The following CACNA2D4 variants were observed in gnomAD, a reference collection of about 807,000 sequenced individuals.
The protein encoded by CACNA2D4 is calcium voltage-gated channel auxiliary subunit alpha2delta 4.
In CACNA2D4, 157 loss-of-function variants were observed where a neutral mutation model predicts 163.8. The ratio of observed to expected loss-of-function variants is 0.96; its 90% CI spans 0.84 to 1.09. The LOEUF is 1.09. Ranked by LOEUF, CACNA2D4 falls within the 50% of genes least tolerant of loss-of-function variation. The probability of loss-of-function intolerance (pLI) is 0.00; values close to 1 mark genes in which losing one functional copy is unlikely to be tolerated. For synonymous variants in CACNA2D4, 598 were observed against 586.9 expected (o/e 1.02, Z -0.27); for missense variants, 1,410 against 1,479.9 (o/e 0.95, Z 0.78).
In CACNA2D4 at chr12:1,818,441, T is replaced by C. The variant is rs191491544; in HGVS notation, c.2552-6718A>G. On this transcript the variant is annotated intron_variant, in intron 26 of 37. Transcript: ENST00000382722. Reference sequence around the variant, plus strand: ...TTCTGCACTAAGAAAAATTCCTCTGTCTTGGGATCCTGTTGATCTGTGACC... The same window carrying C: ...TTCTGCACTAAGAAAAATTCCTCTGCCTTGGGATCCTGTTGATCTGTGACC... Among the ~76,000 whole-genome samples the C allele has an allele frequency of 3.9e-3, 594 of 151,778 alleles. 21 individuals carry two copies. Among genetic ancestry groups the C allele is most frequent in the African/African-American group, 0.013 (548 of 41,018 alleles).
rs112446165 is a variant in CACNA2D4 at position 1,846,359 on chromosome 12, T to C, written c.2342+235A>G. ...GGATGTGTAAGCCTTCGGGGAAGGG[T>C]TGCCTTTCCCACTGTCCCAATCTGT... is the stretch of plus-strand genomic sequence containing the variant. On this transcript the variant is annotated intron_variant, in intron 24 of 37. Transcript: ENST00000382722. Among the ~76,000 whole-genome samples the C allele has an allele frequency of 2.3e-3, 343 of 150,700 alleles. 2 individuals carry two copies. Among genetic ancestry groups the C allele is most frequent in the African/African-American group, 8.1e-3 (328 of 40,308 alleles).
At chr12:1,897,375 G>A (rs929461611) in intron 6 of CACNA2D4, among the ~76,000 whole-genome samples, 10 of 152,114 alleles carry the variant, frequency 6.6e-5, no homozygotes, top group Admixed American at 5.2e-4. Flanking sequence ...TTAGAAGAGA[G>A]GACTTGAAAT....
chr12:1,886,133 C>G, intron 8 of CACNA2D4, 90 bp downstream of exon 8: 1 of 1,542,852 alleles, frequency 6.5e-7, no homozygotes, highest in Non-Finnish European at 9.0e-7. Flanking sequence ...TGCAGGTCAC[C>G]GGGTGGTCAG....
chr12:1,814,232 G>A (rs1863805307), intron 26 of CACNA2D4, among the ~76,000 whole-genome samples: 1 of 152,094 alleles, frequency 6.6e-6, no homozygotes, highest in African/African-American at 2.4e-5. Flanking sequence ...GGAATTCTAC[G>A]ATTCTAACAT....
intron 6 of CACNA2D4, among the ~76,000 whole-genome samples, chr12:1,893,859 G>A (rs1013634189): frequency 6.6e-6 from 1 of 151,758 alleles, no homozygotes; most frequent in Non-Finnish European, 1.5e-5. Flanking sequence ...ATAAAAGCAA[G>A]AACAAACCAA....
chr12:1,810,939 C>A (rs1233053458), intron 27 of CACNA2D4, among the ~76,000 whole-genome samples: 2 of 152,318 alleles, frequency 1.3e-5, no homozygotes, highest in African/African-American at 4.8e-5. Flanking sequence ...GCCCAGGTAG[C>A]CCTTCTAGAG....
At chr12:1,893,753 G>A (rs528736559) in intron 6 of CACNA2D4, among the ~76,000 whole-genome samples, 74 of 152,210 alleles carry the variant, frequency 4.9e-4, no homozygotes, top group Admixed American at 1.4e-3. Flanking sequence ...GTGGGATACA[G>A]TAAAAGCAGT....
Position 1,861,966 on chromosome 12 carries a change from A to T in CACNA2D4, c.1879-1760T>A, listed in dbSNP as rs117837643. 5.1e-4 allele frequency among the ~76,000 whole-genome samples: 77 copies of T among 152,294 alleles called. No homozygotes were observed. The East Asian group carries it at 0.014, about 28-fold the overall frequency. On this transcript the variant is annotated intron_variant, in intron 18 of 37. Coordinates refer to ENST00000382722, the MANE Select transcript of CACNA2D4 (RefSeq NM_172364.5). ...CCATAGATTGGTTTTGCCTGTTCTTATAGTATGACACACACAAAAACTGCG... is the reference window on the plus strand; with the variant it reads ...CCATAGATTGGTTTTGCCTGTTCTTTTAGTATGACACACACAAAAACTGCG...
chr12:1,843,125 T>G lies in CACNA2D4; in HGVS notation c.2470+1277A>C, dbSNP rs1430016971. ...ATGAAAAACACGTGGAAAATTGTTT[T>G]GTGAAGCATAGTAGTTATTTGCACG... On this transcript the variant is annotated intron_variant, in intron 25 of 37. Coordinates refer to ENST00000382722, the MANE Select transcript of CACNA2D4 (RefSeq NM_172364.5). This position sits in a 1 kb window ranked among gnomAD's most constrained non-coding sequence, Gnocchi z 4.6. Among the ~76,000 whole-genome samples, 1 of 152,194 alleles carries G rather than the reference T, an allele frequency of 6.6e-6. No individual in the cohort carries two copies. Among genetic ancestry groups the G allele is most frequent in the East Asian group, 1.9e-4 (1 of 5,190 alleles).
At chr12:1,809,868 C>T (rs1399449696) in intron 29 of CACNA2D4, among the ~76,000 whole-genome samples, 1 of 151,972 alleles carries the variant, frequency 6.6e-6, no homozygotes, top group Non-Finnish European at 1.5e-5. Context: ...CTGGGCCCCA[C>T]AATGGTAGAA....
At chr12:1,900,357 A>T (rs549824434) in intron 6 of CACNA2D4, among the ~76,000 whole-genome samples, 3 of 152,138 alleles carry the variant, frequency 2.0e-5, no homozygotes, top group Non-Finnish European at 4.4e-5. Context: ...CTGGTCTTGA[A>T]TTCCTGGGCT....
intron 34 of CACNA2D4, 130 bp from the exon 35 acceptor site, chr12:1,797,665 G>A: frequency 1.4e-6 from 1 of 725,884 alleles, no homozygotes; most frequent in Non-Finnish European, 2.4e-6. Flanking sequence ...CAGTTCTCAG[G>A]ACACGCGTGG....
intron 14 of CACNA2D4, 102 bp from the exon 15 acceptor site, chr12:1,879,138 A>T: frequency 1.2e-6 from 1 of 833,384 alleles, no homozygotes; most frequent in Non-Finnish European, 2.0e-6. Flanking sequence ...GAAGCCACTT[A>T]GGCTTTAAGT....
chr12:1,819,258 A>G (rs1276095243), intron 26 of CACNA2D4, among the ~76,000 whole-genome samples: 1 of 150,854 alleles, frequency 6.6e-6, no homozygotes, highest in African/African-American at 2.4e-5. Context: ...GGGAGGTGGG[A>G]GCCTCTTTTG....
At chr12:1,910,047 G>T in intron 3 of CACNA2D4, 82 bp from the exon 4 acceptor site, 1 of 1,154,090 alleles carries the variant, frequency 8.7e-7, no homozygotes, top group Non-Finnish European at 1.3e-6. Context: ...GTTGCCGGGT[G>T]ACCCAGCAAT....
chr12:1,831,015 C>A (rs1203840551), intron 26 of CACNA2D4: 1 of 1,614,150 alleles, frequency 6.2e-7, no homozygotes, highest in East Asian at 2.2e-5. Context: ...CAGCCGCAGC[C>A]TGGAGGTGGA....
At chr12:1,826,817 G>C (rs11611941) in intron 26 of CACNA2D4, among the ~76,000 whole-genome samples, 8,384 of 152,280 alleles carry the variant, frequency 0.055, 339 homozygotes, top group Non-Finnish European at 0.084. Context: ...GGGGCAACAG[G>C]GTTTGCAGCA....
intron 16 of CACNA2D4, among the ~76,000 whole-genome samples, chr12:1,877,333 G>A (rs113047238): frequency 6.6e-6 from 1 of 152,142 alleles, no homozygotes; most frequent in Non-Finnish European, 1.5e-5. Context: ...GAGTCATTCT[G>A]CTGGCACTGG....
At chr12:1,800,957 G>A in intron 31 of CACNA2D4, 86 bp downstream of exon 31, 4 of 1,286,630 alleles carry the variant, frequency 3.1e-6, no homozygotes, top group South Asian at 1.2e-5. Flanking sequence ...CAAGGTGGGT[G>A]AGAACAGGGA....
Sources: gnomAD v4.1 joint callset for allele counts (sites outside exome capture counted in the v4.1 genomes callset) on GRCh38, gnomAD v4.1.1 for gene constraint, Gnocchi (gnomAD v3.1) non-coding constraint, MANE v1.5 for transcripts, NCBI Gene and HGNC (gene_info 2026-07-23, HGNC 2026-07-21) for gene names.